CCDC178: variants seen among roughly 807,000 people sequenced by gnomAD.
The protein encoded by CCDC178 is coiled-coil domain-containing protein 178.
CCDC178 carries 126 observed loss-of-function variants against 117.4 expected under a neutral mutation model. The observed-to-expected ratio is 1.07, with a 90% confidence interval of 0.93 to 1.24. The LOEUF (loss-of-function observed/expected upper bound fraction) is 1.24, where lower values mean the gene tolerates loss of function less well. Among genes scored for constraint, CCDC178 ranks in the 50% most tolerant of loss-of-function variants. CCDC178 has a pLI of 0.00. For missense variants in CCDC178, 1,030 were observed against 986.9 expected (o/e 1.04, Z -0.59); for synonymous variants, 283 against 313.4 (o/e 0.90, Z 1.02).
intron 20 of CCDC178, among the ~76,000 whole-genome samples, chr18:33,125,007 T>G (rs16964288): frequency 0.028 from 4,246 of 152,256 alleles, 82 homozygotes; most frequent in Admixed American, 0.048. Context: ...TACCTCCACC[T>G]GCACACATTT....
chr18:33,391,686 G>C (rs937654952), intron 4 of CCDC178, among the ~76,000 whole-genome samples: 1 of 151,946 alleles, frequency 6.6e-6, no homozygotes, highest in African/African-American at 2.4e-5. Flanking sequence ...AGGATTCCAT[G>C]TCATAAAAAA....
At chr18:33,078,280 C>T (rs2145023030) in intron 21 of CCDC178, among the ~76,000 whole-genome samples, 1 of 152,220 alleles carries the variant, frequency 6.6e-6, no homozygotes, top group Non-Finnish European at 1.5e-5. Context: ...AGGCACACAA[C>T]TCAAAATAAT....
chr18:33,284,162 C>T (rs764673026), intron 12 of CCDC178, among the ~76,000 whole-genome samples: 2 of 152,140 alleles, frequency 1.3e-5, no homozygotes. Flanking sequence ...GAACAGAAAA[C>T]CAAATGCCGC....
intron 20 of CCDC178, among the ~76,000 whole-genome samples, chr18:33,160,604 A>G (rs1000961169): frequency 6.6e-6 from 1 of 152,130 alleles, no homozygotes; most frequent in African/African-American, 2.4e-5. Context: ...CTGTCCATCA[A>G]GAAAGCAGGG....
chr18:33,349,804 A>T (rs1348756668), intron 7 of CCDC178, among the ~76,000 whole-genome samples: 1 of 151,904 alleles, frequency 6.6e-6, no homozygotes, highest in African/African-American at 2.4e-5. Flanking sequence ...AATATAATCC[A>T]TATTTATTCT....
chr18:33,242,392 A>C (rs2059498469), intron 15 of CCDC178, among the ~76,000 whole-genome samples: 1 of 151,954 alleles, frequency 6.6e-6, no homozygotes, highest in South Asian at 2.1e-4. Context: ...ACAAAAACAA[A>C]AATAAACAAA....
At chr18:33,012,366 A>C (rs1281465332) in intron 21 of CCDC178, among the ~76,000 whole-genome samples, 1 of 152,222 alleles carries the variant, frequency 6.6e-6, no homozygotes, top group Non-Finnish European at 1.5e-5. Flanking sequence ...GGATAAAGTA[A>C]GAATTATTGT....
intron 20 of CCDC178, among the ~76,000 whole-genome samples, chr18:33,109,684 T>A (rs950530901): frequency 6.6e-5 from 10 of 151,636 alleles, no homozygotes; most frequent in Non-Finnish European, 8.9e-5. Flanking sequence ...AGGTTTTGGC[T>A]GTTTTTTATA....
rs76909503 is a variant in CCDC178, at chr18:33,300,017, C to T, written c.1023-6705G>A. 3.3e-5 allele frequency among the ~76,000 whole-genome samples: 5 copies of T among 152,308 alleles called. No individual in the cohort carries two copies. In the East Asian group the frequency reaches 9.6e-4, roughly 29 times the overall value. On this transcript the variant is annotated intron_variant, in intron 11 of 22. Coordinates refer to ENST00000383096, the MANE Select transcript of CCDC178 (RefSeq NM_001105528.4). ...GTAATCCCCAATGTTTAAGGTGGGG[C>T]ATGATGGGAGCTGTTTCGGTCATGG...
intron 20 of CCDC178, among the ~76,000 whole-genome samples, chr18:33,154,823 G>A (rs535018301): frequency 2.6e-5 from 4 of 152,052 alleles, no homozygotes; most frequent in Non-Finnish European, 4.4e-5. Context: ...ATAAAGGGTC[G>A]ATTGGTTAAA....
chr18:33,086,986 AC>A (rs1278890546), intron 21 of CCDC178, among the ~76,000 whole-genome samples: 3 of 150,444 alleles, frequency 2.0e-5, no homozygotes, highest in Non-Finnish European at 3.0e-5. Flanking sequence ...ACACACACAC[AC>A]ACACACACAC....
intron 21 of CCDC178, among the ~76,000 whole-genome samples, chr18:33,029,079 T>A (rs898007235): frequency 3.9e-5 from 6 of 151,954 alleles, no homozygotes; most frequent in Non-Finnish European, 2.9e-5. Context: ...TTGGAAGAGT[T>A]TGTAAAGAAT....
rs1476383839 is a variant in CCDC178, at chr18:33,211,841, A to G, written c.2238+55T>C. ...TAAAAATTGTCTCAAACTAGCTGCTAATTTGACTATCACTATATTCCTTTC... is the reference window on the plus strand; with the variant it reads ...TAAAAATTGTCTCAAACTAGCTGCTGATTTGACTATCACTATATTCCTTTC... On this transcript the variant is annotated intron_variant, in intron 20 of 22. Transcript: ENST00000383096. 1.0e-5 allele frequency: 15 copies of G among 1,445,490 alleles called. No homozygotes were observed. In the East Asian group the frequency reaches 3.6e-4, roughly 35 times the overall value. 89.5% of individuals were successfully genotyped at this position (1,445,490 alleles called of 1,614,324 possible). A position where few individuals can be genotyped will look rare whatever the true frequency, so the allele number is the denominator to read the frequency against.
Position 33,214,121 on chromosome 18 carries a change from C to G in CCDC178, c.2078+1429G>C, listed in dbSNP as rs140177671. 1.9e-3 allele frequency among the ~76,000 whole-genome samples: 288 copies of G among 152,194 alleles called. 1 individual carries two copies. The highest frequency in any genetic ancestry group is 6.5e-3 in the African/African-American group (268 of 41,550). On this transcript the variant is annotated intron_variant, in intron 19 of 22. Coordinates refer to ENST00000383096, the MANE Select transcript of CCDC178 (RefSeq NM_001105528.4). The stretch of plus-strand genomic sequence containing the variant: ...AGCTAAGCTGAAGCTACCTCTACCA[C>G]TACTTAAGAGTGTGATCTTAGATTC...
chr18:33,026,678 GAAATGAATGGTAGAAGT>G (rs918284909), intron 21 of CCDC178, among the ~76,000 whole-genome samples: 4 of 151,956 alleles, frequency 2.6e-5, no homozygotes, highest in African/African-American at 4.8e-5. Flanking sequence ...GAAATGATAG[GAAATGAATGGTAGAAGT>G]AAATGAATGG....
intron 20 of CCDC178, among the ~76,000 whole-genome samples, chr18:33,211,494 C>A (rs1196196483): frequency 1.3e-5 from 2 of 151,600 alleles, no homozygotes; most frequent in African/African-American, 4.8e-5. Context: ...AGGAGAAGAG[C>A]GTGACATATT....
intron 11 of CCDC178, among the ~76,000 whole-genome samples, chr18:33,315,534 T>C (rs1477377331): frequency 6.6e-6 from 1 of 152,156 alleles, no homozygotes; most frequent in Non-Finnish European, 1.5e-5. Context: ...ATCTCTTTTA[T>C]GTATAAGCAA....
chr18:33,194,918 A>AAAAAAAG (rs1555659378), intron 20 of CCDC178, among the ~76,000 whole-genome samples: 12 of 144,304 alleles, frequency 8.3e-5, no homozygotes, highest in African/African-American at 3.2e-4. Context: ...AAAAAAAAAA[A>AAAAAAAG]AGAGAGAGAG....
chr18:33,068,550 T>C (rs1404491567), intron 21 of CCDC178, among the ~76,000 whole-genome samples: 1 of 151,040 alleles, frequency 6.6e-6, no homozygotes, highest in Non-Finnish European at 1.5e-5. Flanking sequence ...ATAACATCAA[T>C]AGAATGAAGG....
Sources: allele counts gnomAD v4.1 joint callset (sites outside exome capture counted in the v4.1 genomes callset), GRCh38; gene constraint gnomAD v4.1.1; transcripts MANE v1.5; gene names NCBI Gene and HGNC (gene_info 2026-07-23, HGNC 2026-07-21).